Variants in DYM observed in about 807,000 individuals in gnomAD.
DYM encodes the protein dymeclin, also known as dyggve-Melchior-Clausen syndrome protein.
A neutral mutation model predicts 93.1 loss-of-function variants in DYM; 78 were observed. The ratio of observed to expected loss-of-function variants is 0.84; its 90% CI spans 0.70 to 1.01. The LOEUF is 1.01. Ranked by LOEUF, DYM falls within the 50% of genes least tolerant of loss-of-function variation. The pLI, the probability that DYM is intolerant of heterozygous loss-of-function variation, is 0.00. For missense variants in DYM, 789 were observed against 845.0 expected (o/e 0.93, Z 0.82); for synonymous variants, 321 against 319.7 (o/e 1.00, Z -0.04).
At chr18:49,460,285 C>A (rs996624085) in intron 1 of DYM, 113 bp downstream of exon 1, 1 of 152,032 alleles carries the variant, frequency 6.6e-6, no homozygotes, top group Non-Finnish European at 1.5e-5. Context: ...CGCCGCCGCC[C>A]CGGGGCGCTG....
chr18:49,177,627 A>G (rs1358588244), intron 14 of DYM, among the ~76,000 whole-genome samples: 1 of 152,122 alleles, frequency 6.6e-6, no homozygotes, highest in Non-Finnish European at 1.5e-5. Context: ...TTATGTCTGT[A>G]AAAACTTTAT....
At chr18:49,179,573 G>C (rs941663963) in intron 14 of DYM, among the ~76,000 whole-genome samples, 44 of 152,042 alleles carry the variant, frequency 2.9e-4, no homozygotes, top group African/African-American at 9.9e-4. Flanking sequence ...TGATGATGAT[G>C]ACAACAACGA....
intron 3 of DYM, among the ~76,000 whole-genome samples, chr18:49,382,182 C>T (rs985957006): frequency 6.6e-6 from 1 of 151,984 alleles, no homozygotes; most frequent in Admixed American, 6.6e-5. Flanking sequence ...AAGAGTAACC[C>T]GACTACTTGA....
At chr18:49,399,116 T>C (rs2070466593) in intron 2 of DYM, among the ~76,000 whole-genome samples, 1 of 152,148 alleles carries the variant, frequency 6.6e-6, no homozygotes, top group South Asian at 2.1e-4. Flanking sequence ...TGCCTCTGCC[T>C]CCAGGCTACA....
intron 13 of DYM, among the ~76,000 whole-genome samples, chr18:49,246,484 G>T (rs2094169648): frequency 6.6e-6 from 1 of 152,174 alleles, no homozygotes; most frequent in South Asian, 2.1e-4. Flanking sequence ...TTTTGTAAAA[G>T]ACAGAGAGAA....
At chr18:49,433,755 C>T (rs1057312024) in intron 1 of DYM, among the ~76,000 whole-genome samples, 1 of 152,102 alleles carries the variant, frequency 6.6e-6, no homozygotes, top group African/African-American at 2.4e-5. Context: ...ATAATCCCAG[C>T]TCCTCAGGAG....
chr18:49,272,142 TTAACTC>T (rs746599222), intron 11 of DYM, 30 bp downstream of exon 11: 1 of 1,600,416 alleles, frequency 6.2e-7, no homozygotes, highest in Non-Finnish European at 8.6e-7. Context: ...GTCTGTTCTG[TTAACTC>T]TAACTCTAAT....
Position 49,391,575 on chromosome 18 carries a change from C to T in DYM, c.193+18G>A, listed in dbSNP as rs1303862611. On this transcript the variant is annotated intron_variant, in intron 3 of 17. Transcript: ENST00000675505. ...CAAAATTTGAAAACAACACCCCACA[C>T]ACATTTTTCCCACTTACCTAATGAC... 1.2e-6 allele frequency: 2 copies of T among 1,612,724 alleles called. No homozygotes were observed. Among genetic ancestry groups the T allele is most frequent in the East Asian group, 4.5e-5 (2 of 44,812 alleles).
chr18:49,157,295 A>G (rs2086576311), intron 15 of DYM, among the ~76,000 whole-genome samples: 1 of 152,066 alleles, frequency 6.6e-6, no homozygotes, highest in South Asian at 2.1e-4. Context: ...TTTCTGCACT[A>G]AAGAGCTCAG....
At chr18:49,383,959 G>GTA (rs995848716) in intron 3 of DYM, among the ~76,000 whole-genome samples, 1 of 152,086 alleles carries the variant, frequency 6.6e-6, no homozygotes, top group Non-Finnish European at 1.5e-5. Context: ...GCAATCAACA[G>GTA]TAGACAACAG....
chr18:49,281,981 TTAGTATGA>T lies in DYM; in HGVS notation c.1125+8_1125+15del. ...AAAAAAATACAAACGCATGGAATGT[TTAGTATGA>T]TACTTACAAGATTTTCCATATCTGT... is the stretch of plus-strand genomic sequence containing the variant. On this transcript the variant is annotated splice_region_variant and intron_variant, in intron 10 of 17. Transcript: ENST00000675505. The T allele has an allele frequency of 6.2e-7, 1 of 1,610,944 alleles. No individual in the cohort carries two copies. Among genetic ancestry groups the T allele is most frequent in the Non-Finnish European group, 8.5e-7 (1 of 1,178,078 alleles).
intron 14 of DYM, among the ~76,000 whole-genome samples, chr18:49,171,134 G>T (rs1423081970): frequency 2.0e-5 from 3 of 152,162 alleles, no homozygotes; most frequent in Non-Finnish European, 4.4e-5. Flanking sequence ...CAGCGCTTGA[G>T]AAATAAGCAG....
At chr18:49,098,917 AAAAT>A (rs2079839921) in intron 16 of DYM, among the ~76,000 whole-genome samples, 1 of 152,232 alleles carries the variant, frequency 6.6e-6, no homozygotes, top group Admixed American at 6.5e-5. Context: ...ATGAATACAC[AAAAT>A]AAATGCTTTC....
At chr18:49,290,738 G>T (rs556806818) in intron 8 of DYM, among the ~76,000 whole-genome samples, 1 of 152,088 alleles carries the variant, frequency 6.6e-6, no homozygotes, top group South Asian at 2.1e-4. Flanking sequence ...CCATCTACAG[G>T]TCCCTGGCAG....
chr18:49,378,085 T>G (rs1194793695), intron 5 of DYM, among the ~76,000 whole-genome samples: 1 of 152,230 alleles, frequency 6.6e-6, no homozygotes, highest in African/African-American at 2.4e-5. Flanking sequence ...AAAACTGTCC[T>G]TGAAAATGTT....
At chr18:49,191,468 C>T (rs948739424) in intron 14 of DYM, among the ~76,000 whole-genome samples, 8 of 151,632 alleles carry the variant, frequency 5.3e-5, no homozygotes, top group African/African-American at 7.3e-5. Flanking sequence ...AAATCAAAAC[C>T]GAACTTAGAT....
chr18:49,094,952 T>A (rs1186172596), intron 17 of DYM, among the ~76,000 whole-genome samples: 2 of 152,210 alleles, frequency 1.3e-5, no homozygotes, highest in South Asian at 2.1e-4. Flanking sequence ...AGTGTTTAAT[T>A]TATATATTTT....
rs140784670 is a variant in DYM at position 49,403,157 on chromosome 18, T to C, written c.141-11512A>G. 8.5e-5 allele frequency among the ~76,000 whole-genome samples: 13 copies of C among 152,318 alleles called. No individual in the cohort carries two copies. In the East Asian group the frequency reaches 2.1e-3, roughly 25 times the overall value. ...CCTTAATACACACTTAAATTACTAA[T>C]TTATCAGCCTTCCCTTATCTTCCCC... On this transcript the variant is annotated intron_variant, in intron 2 of 17. Coordinates refer to ENST00000675505, the MANE Select transcript of DYM (RefSeq NM_001353214.3).
At chr18:49,097,274 G>T in intron 17 of DYM, 128 bp downstream of exon 17, 1 of 825,080 alleles carries the variant, frequency 1.2e-6, no homozygotes, top group Non-Finnish European at 2.0e-6. Flanking sequence ...CTTTGTCACA[G>T]TTCTGAGGAG....
Sources: allele counts gnomAD v4.1 joint callset (sites outside exome capture counted in the v4.1 genomes callset), GRCh38; gene constraint gnomAD v4.1.1; transcripts MANE v1.5; gene names NCBI Gene and HGNC (gene_info 2026-07-23, HGNC 2026-07-21).